Variants in AFF1 observed in about 807,000 individuals in gnomAD.
AFF1 encodes ALF transcription elongation factor 1, also known as AF4/FMR2 family member 1.
A neutral mutation model predicts 121.7 loss-of-function variants in AFF1; 48 were observed. The observed-to-expected ratio is 0.39, with a 90% CI of 0.31 to 0.50. The LOEUF is 0.50. AFF1 is among the 20% of genes least tolerant of loss of function. The pLI is 0.76. For missense variants in AFF1, 1,523 were observed against 1,511.7 expected, an observed-to-expected ratio of 1.01 and a Z score of -0.12; for synonymous variants, 613 against 563.0, an observed-to-expected ratio of 1.09 and a Z score of -1.26.
intron 2 of AFF1, among the ~76,000 whole-genome samples, chr4:86,978,156 TCTTA>T (rs66611183): frequency 0.61 from 76,741 of 125,544 alleles, 26,486 homozygotes; most frequent in Middle Eastern, 0.78. Context: ...AGCTTACTTC[TCTTA>T]CTTCTCATTA....
At position 87,047,444 on chromosome 4, in the gene AFF1, C is replaced by A; in HGVS notation, c.909C>A (p.Pro303=). The change falls in exon 4 of 21, where the codon CCC becomes CCA. Residue 303 remains proline (P), a synonymous_variant. Transcript: ENST00000395146. The part of the protein sequence containing the change: ...MQQKPTAYVR[P]MDGQDQAPSE... ...AGAAGCCCACGGCTTATGTCCGGCC[C>A]ATGGATGGTCAAGATCAGGCCCCTA... The A allele has an allele frequency of 3.1e-6, 5 of 1,614,160 alleles. No individual in the cohort carries two copies. The highest frequency in any genetic ancestry group is 4.2e-6 in the Non-Finnish European group (5 of 1,180,030).
At chr4:87,117,795 G>A (rs1283277951) in intron 12 of AFF1, among the ~76,000 whole-genome samples, 2 of 152,202 alleles carry the variant, frequency 1.3e-5, no homozygotes, top group Non-Finnish European at 2.9e-5. Context: ...CTGGATTCTG[G>A]ATGGGAGTTG....
chr4:86,998,697 A>C (rs186126677), intron 2 of AFF1, among the ~76,000 whole-genome samples: 8 of 152,278 alleles, frequency 5.3e-5, no homozygotes, highest in Non-Finnish European at 1.2e-4. Flanking sequence ...CTCTGATACT[A>C]TGAATGTCTT....
chr4:86,993,134 C>G (rs905685203), intron 2 of AFF1, among the ~76,000 whole-genome samples: 1 of 152,162 alleles, frequency 6.6e-6, no homozygotes, highest in Non-Finnish European at 1.5e-5. Flanking sequence ...TTTTGGAAGG[C>G]AGCCTCAGTC....
At chr4:86,974,887 CT>C (rs1334225462) in intron 2 of AFF1, among the ~76,000 whole-genome samples, 2 of 152,170 alleles carry the variant, frequency 1.3e-5, no homozygotes, top group Non-Finnish European at 2.9e-5. Flanking sequence ...AAATTCTAGG[CT>C]TTTTCCTTAC....
chr4:86,986,607 T>C (rs946613765), intron 2 of AFF1, among the ~76,000 whole-genome samples: 4 of 151,638 alleles, frequency 2.6e-5, no homozygotes, highest in African/African-American at 9.7e-5. Flanking sequence ...AAAAAAAAAA[T>C]TGTTTTTCCC....
rs1026265451 is a variant in AFF1 at position 86,949,805 on chromosome 4, T to C, written c.38+1234T>C. 1.6e-4 allele frequency: 264 copies of C among 1,613,710 alleles called. 6 individuals carry two copies. The highest frequency in any genetic ancestry group is 1.4e-4 in the Non-Finnish European group (165 of 1,179,934). On this transcript the variant is annotated intron_variant, in intron 2 of 20. Transcript: ENST00000395146. ...GGAGAACAGGGCCACTGGGAGACAC[T>C]GCGTCATGATGGCGAAACCGATCCA...
At chr4:86,935,680 C>A (rs1490794740) in intron 1 of AFF1, 1 of 152,146 alleles carries the variant, frequency 6.6e-6, no homozygotes, top group Non-Finnish European at 1.5e-5. Context: ...CACCCCGGGA[C>A]CCTTCCCTGT....
chr4:87,113,558 C>T (rs1227650168), intron 11 of AFF1, among the ~76,000 whole-genome samples: 1 of 152,084 alleles, frequency 6.6e-6, no homozygotes, highest in South Asian at 2.1e-4. Flanking sequence ...CCTGAATCAC[C>T]GTATTGGTCG....
intron 4 of AFF1, among the ~76,000 whole-genome samples, chr4:87,058,862 T>C (rs1720431701): frequency 6.6e-6 from 1 of 152,158 alleles, no homozygotes. Context: ...CGCCACTGCC[T>C]CTGCCGGCAG....
intron 4 of AFF1, among the ~76,000 whole-genome samples, chr4:87,075,525 G>C (rs969835909): frequency 4.7e-4 from 71 of 152,194 alleles, no homozygotes; most frequent in Admixed American, 3.9e-4. Context: ...TCTATCTCAA[G>C]GAAGCGTACG....
chr4:86,939,744 A>T (rs1025041330), intron 1 of AFF1, among the ~76,000 whole-genome samples: 1 of 152,182 alleles, frequency 6.6e-6, no homozygotes, highest in Non-Finnish European at 1.5e-5. Flanking sequence ...TAGTTCTCAG[A>T]CCTATAATGT....
In AFF1 at chr4:87,072,280, G is replaced by A. The variant is rs566683057; in HGVS notation, c.1060-11840G>A. On this transcript the variant is annotated intron_variant, in intron 4 of 20. Transcript: ENST00000395146. ...CAGGAGTCTGAGGCAGGAGAATGGC[G>A]TGAACCCGGGAGGCGGAGCTTGCAG... is the stretch of plus-strand genomic sequence containing the variant. 9.3e-4 allele frequency among the ~76,000 whole-genome samples: 140 copies of A among 150,070 alleles called. 1 individual carries two copies. Among genetic ancestry groups the A allele is most frequent in the African/African-American group, 3.3e-3 (135 of 40,910 alleles).
At chr4:87,043,060 ACCCT>A (rs1730315186) in intron 2 of AFF1, among the ~76,000 whole-genome samples, 1 of 152,130 alleles carries the variant, frequency 6.6e-6, no homozygotes, top group East Asian at 1.9e-4. Context: ...AACTGTTCAC[ACCCT>A]CCCTTTTGGA....
rs527450357 is a variant in AFF1, at chr4:86,969,983, G to T, written c.38+21412G>T. On this transcript the variant is annotated intron_variant, in intron 2 of 20. Transcript: ENST00000395146. ...AATCAAAGATATCTTATTTTTGTGG[G>T]TAGGAAGCTAGAGCTATATCTACCT... Among the ~76,000 whole-genome samples the T allele has an allele frequency of 2.6e-5, 4 of 151,544 alleles. No individual in the cohort carries two copies. The South Asian group carries it at 8.3e-4, about 32-fold the overall frequency.
chr4:87,137,973 A>G lies in AFF1; in HGVS notation c.*2272A>G, dbSNP rs1729428053. ...CTTGACTGAAGACATTTCCAGGTAG[A>G]TTTCTCAGCCAGCTCTAAAACAGAT... On this transcript the variant is annotated 3_prime_UTR_variant, in exon 21 of 21. Transcript: ENST00000395146. 4.4e-6 allele frequency: 1 copy of G among 228,798 alleles called. No homozygotes were observed. Among genetic ancestry groups the G allele is most frequent in the Non-Finnish European group, 8.6e-6 (1 of 116,344 alleles). 14.2% of individuals were successfully genotyped at this position (228,798 alleles called of 1,614,324 possible). A position where few individuals can be genotyped will look rare whatever the true frequency, so the allele number is the denominator to read the frequency against.
chr4:87,039,568 T>C (rs1729900248), intron 2 of AFF1, among the ~76,000 whole-genome samples: 1 of 152,222 alleles, frequency 6.6e-6, no homozygotes, highest in Non-Finnish European at 1.5e-5. Flanking sequence ...TTTTCACATG[T>C]GACTGATCTC....
Position 87,007,232 on chromosome 4 carries a change from C to G in AFF1, c.39-38934C>G, listed in dbSNP as rs1000774809. On this transcript the variant is annotated intron_variant, in intron 2 of 20. Coordinates refer to ENST00000395146, the MANE Select transcript of AFF1 (RefSeq NM_001166693.3). The stretch of plus-strand genomic sequence containing the variant: ...AGCGCGAGCCAATACGGGCCGAGCC[C>G]GGGGCTGCGCCGAGGACGCCCGGGG... The G allele has an allele frequency of 4.1e-6, 6 of 1,469,202 alleles. No individual in the cohort carries two copies. In the Admixed American group the frequency reaches 8.1e-5, roughly 20 times the overall value. The allele number at this position is 1,469,202 out of a possible 1,614,324, so 91.0% of individuals were successfully genotyped here.
chr4:86,979,279 G>A (rs1049862968), intron 2 of AFF1, among the ~76,000 whole-genome samples: 3 of 152,072 alleles, frequency 2.0e-5, no homozygotes, highest in Non-Finnish European at 4.4e-5. Context: ...TGTAATTTTA[G>A]TAGAGACGGG....
Sources: allele counts gnomAD v4.1 joint callset (sites outside exome capture counted in the v4.1 genomes callset), GRCh38; gene constraint gnomAD v4.1.1; transcripts MANE v1.5; gene names NCBI Gene and HGNC (gene_info 2026-07-23, HGNC 2026-07-21).